Variants in CORO2B observed in about 807,000 individuals in gnomAD.
The protein encoded by CORO2B is coronin 2B.
A neutral mutation model predicts 58.8 loss-of-function variants in CORO2B; 26 were observed. The observed-to-expected ratio is 0.44, with a 90% CI of 0.32 to 0.61. CORO2B has a LOEUF of 0.61. CORO2B is among the 20% of genes least tolerant of loss of function. The pLI is 0.04. For synonymous variants in CORO2B, 242 were observed against 253.8 expected (o/e 0.95, Z 0.44); for missense variants, 460 against 645.1 (o/e 0.71, Z 3.11).
the CORO2B span, among the ~76,000 whole-genome samples, chr15:68,570,799 GTTTTTTTT>G: frequency 2.4e-4 from 19 of 78,768 alleles, no homozygotes; most frequent in African/African-American, 3.7e-4. Flanking sequence ...ACTACACGTA[GTTTTTTTT>G]TTTTTTTTTT....
chr15:68,621,574 A>C (rs1900520204), intron 1 of CORO2B, among the ~76,000 whole-genome samples: 1 of 152,182 alleles, frequency 6.6e-6, no homozygotes, highest in African/African-American at 2.4e-5. Context: ...CTCTGTCTTC[A>C]TAACTCTGCC....
chr15:68,705,240 C>A (rs1423061406), intron 3 of CORO2B, among the ~76,000 whole-genome samples: 1 of 152,070 alleles, frequency 6.6e-6, no homozygotes, highest in African/African-American at 2.4e-5. Context: ...GAGTTCGAGA[C>A]CAGCCTGGCC....
the CORO2B span, among the ~76,000 whole-genome samples, chr15:68,560,296 A>AT: frequency 9.6e-3 from 1,200 of 125,370 alleles, 22 homozygotes; most frequent in African/African-American, 0.035. Flanking sequence ...TTCTTTCTTT[A>AT]TTTTTTTTTT....
intron 1 of CORO2B, among the ~76,000 whole-genome samples, chr15:68,580,360 C>A (rs1595949399): frequency 6.7e-6 from 1 of 150,212 alleles, no homozygotes; most frequent in African/African-American, 2.4e-5. Flanking sequence ...GGACCGGCAG[C>A]CCAGAGTGGG....
At chr15:68,641,429 G>A (rs1901222756) in intron 1 of CORO2B, 1 of 662,634 alleles carries the variant, frequency 1.5e-6, no homozygotes, top group Non-Finnish European at 1.9e-6. Flanking sequence ...CTGGGGAGCT[G>A]GGGATTTGGG....
At chr15:68,574,518 T>G (rs887370767), upstream of CORO2B, among the ~76,000 whole-genome samples, 1 of 152,254 alleles carries the variant, frequency 6.6e-6, no homozygotes, top group African/African-American at 2.4e-5. Flanking sequence ...GGGCAGATGC[T>G]GGGCAAAGAA....
chr15:68,662,979 T>A (rs1602544), intron 2 of CORO2B, among the ~76,000 whole-genome samples: 43,821 of 151,982 alleles, frequency 0.29, 6,595 homozygotes, highest in African/African-American at 0.37. Context: ...TTAAATTTTT[T>A]AAAATATTTC....
At chr15:68,610,419 C>A (rs1397091775) in intron 1 of CORO2B, among the ~76,000 whole-genome samples, 1 of 152,122 alleles carries the variant, frequency 6.6e-6, no homozygotes, top group African/African-American at 2.4e-5. Context: ...ATCTAAGACC[C>A]CTTGCTGCCT....
At chr15:68,531,555 GGAAAGAAAGAGAAAGAAAGAGAAA>G in the CORO2B span, among the ~76,000 whole-genome samples, 2 of 77,798 alleles carry the variant, frequency 2.6e-5, no homozygotes, top group African/African-American at 1.0e-4. Context: ...AAGGAAGGAA[GGAAAGAAAGAGAAAGAAAGAGAAA>G]GAAAGAGAAA....
intron 1 of CORO2B, among the ~76,000 whole-genome samples, chr15:68,594,181 C>T (rs765122753): frequency 2.0e-4 from 30 of 152,148 alleles, no homozygotes; most frequent in African/African-American, 7.2e-4. Context: ...GGTTTGCAGC[C>T]AGAACTCTGG....
chr15:68,595,126 G>C (rs1341235852), intron 1 of CORO2B, among the ~76,000 whole-genome samples: 2 of 152,238 alleles, frequency 1.3e-5, no homozygotes, highest in African/African-American at 4.8e-5. Flanking sequence ...CAACTCTGCA[G>C]CATTCGAGGC....
intron 1 of CORO2B, among the ~76,000 whole-genome samples, chr15:68,605,272 G>A (rs1287796570): frequency 6.6e-6 from 1 of 152,174 alleles, no homozygotes; most frequent in Non-Finnish European, 1.5e-5. Flanking sequence ...AGAGCAATTT[G>A]GCAACAGACA....
intron 1 of CORO2B, among the ~76,000 whole-genome samples, chr15:68,635,805 C>T (rs535649091): frequency 1.3e-5 from 2 of 152,282 alleles, no homozygotes; most frequent in African/African-American, 2.4e-5. Context: ...GGAGCTCCAA[C>T]GGGACTCTTG....
intron 2 of CORO2B, among the ~76,000 whole-genome samples, chr15:68,646,712 C>T (rs548164514): frequency 6.6e-6 from 1 of 152,340 alleles, no homozygotes; most frequent in South Asian, 2.1e-4. Flanking sequence ...AAATCCTCCT[C>T]TGCCTACATC....
chr15:68,698,591 T>G (rs373739350), intron 3 of CORO2B, among the ~76,000 whole-genome samples: 2 of 152,256 alleles, frequency 1.3e-5, no homozygotes, highest in Admixed American at 6.5e-5. Flanking sequence ...ACGGTATGCC[T>G]TGCACCACCC....
At chr15:68,697,444 G>C (rs1327790821) in intron 3 of CORO2B, among the ~76,000 whole-genome samples, 2 of 152,204 alleles carry the variant, frequency 1.3e-5, no homozygotes, top group Admixed American at 1.3e-4. Context: ...AAGATTCACA[G>C]TAAATAGCCT....
chr15:68,669,187 GAAGCAAGC>G (rs71455600), intron 2 of CORO2B, among the ~76,000 whole-genome samples: 1 of 151,536 alleles, frequency 6.6e-6, no homozygotes, highest in African/African-American at 2.4e-5. Context: ...AGAAAGAAAG[GAAGCAAGC>G]AAGCAAGCAA....
chr15:68,598,355 G>T (rs1451850828), intron 1 of CORO2B, among the ~76,000 whole-genome samples: 1 of 152,236 alleles, frequency 6.6e-6, no homozygotes. Context: ...GTGTGCTTTG[G>T]TAGGGGGTGG....
chr15:68,662,131 C>T (rs1473466486), intron 2 of CORO2B, among the ~76,000 whole-genome samples: 1 of 152,188 alleles, frequency 6.6e-6, no homozygotes, highest in African/African-American at 2.4e-5. Flanking sequence ...TTGGCAGAAG[C>T]TGCTTTTCCT....
Sources: allele counts gnomAD v4.1 joint callset (sites outside exome capture counted in the v4.1 genomes callset), GRCh38; gene constraint gnomAD v4.1.1; transcripts MANE v1.5; gene names NCBI Gene and HGNC (gene_info 2026-07-23, HGNC 2026-07-21).